Variants in COX7B2 observed in about 807,000 individuals in gnomAD.
The protein encoded by COX7B2 is cytochrome c oxidase subunit 7B2, also known as cytochrome c oxidase subunit 7B2, mitochondrial.
For synonymous variants in COX7B2, 37 were observed against 32.1 expected (o/e 1.15, Z -0.51); for missense variants, 109 against 95.9 (o/e 1.14, Z -0.57).
intron 2 of COX7B2, among the ~76,000 whole-genome samples, chr4:46,764,898 A>T (rs987691624): frequency 6.6e-6 from 1 of 152,120 alleles, no homozygotes; most frequent in Admixed American, 6.5e-5. Context: ...AGAGAGGAAA[A>T]AAAACACAAA....
At chr4:46,825,975 A>G (rs1714663339) in intron 2 of COX7B2, among the ~76,000 whole-genome samples, 1 of 152,202 alleles carries the variant, frequency 6.6e-6, no homozygotes. Context: ...ATGGGCAAAG[A>G]TTTCATGACA....
intron 1 of COX7B2, 83 bp downstream of exon 1, chr4:46,909,077 A>T (rs1180339392): frequency 6.6e-6 from 1 of 152,158 alleles, no homozygotes; most frequent in Non-Finnish European, 1.5e-5. Flanking sequence ...ATATTTCCTG[A>T]TAACTGTTAG....
At chr4:46,843,531 T>C (rs1716076994) in intron 2 of COX7B2, among the ~76,000 whole-genome samples, 1 of 152,020 alleles carries the variant, frequency 6.6e-6, no homozygotes, top group South Asian at 2.1e-4. Flanking sequence ...TTTTAATCTA[T>C]GTTTTTAAAA....
intron 2 of COX7B2, among the ~76,000 whole-genome samples, chr4:46,804,074 C>T (rs922854973): frequency 1.3e-5 from 2 of 152,032 alleles, no homozygotes; most frequent in East Asian, 1.9e-4. Flanking sequence ...TTCGTGGTCT[C>T]GCTGGCTCAG....
chr4:46,847,949 T>C (rs968966995), intron 1 of COX7B2, among the ~76,000 whole-genome samples: 1 of 151,990 alleles, frequency 6.6e-6, no homozygotes, highest in Non-Finnish European at 1.5e-5. Flanking sequence ...GAGGCAGCGA[T>C]GTTGCATGGA....
chr4:46,906,046 G>A lies in COX7B2; in HGVS notation c.-105+3114C>T, dbSNP rs1022518001. 6.0e-5 allele frequency among the ~76,000 whole-genome samples: 9 copies of A among 151,228 alleles called. 2 individuals carry two copies. Among genetic ancestry groups the A allele is most frequent in the Admixed American group, 1.3e-4 (2 of 15,248 alleles). On this transcript the variant is annotated intron_variant, in intron 1 of 2. Transcript: ENST00000355591. ...GGGTTTCACCTTGTTAGCCAGGATG[G>A]TCTCGATCTCCTGACCTCATGATCC...
intron 2 of COX7B2, among the ~76,000 whole-genome samples, chr4:46,750,066 G>C (rs1715259186): frequency 6.6e-6 from 1 of 152,050 alleles, no homozygotes; most frequent in African/African-American, 2.4e-5. Flanking sequence ...ATAAGTTTAA[G>C]AATTTCTTTT....
At chr4:46,754,227 G>T (rs955951275) in intron 2 of COX7B2, among the ~76,000 whole-genome samples, 3 of 151,918 alleles carry the variant, frequency 2.0e-5, no homozygotes, top group East Asian at 1.9e-4. Flanking sequence ...ATACCCAAAG[G>T]ATTATAAATC....
chr4:46,854,973 A>G (rs1466176511), intron 1 of COX7B2, among the ~76,000 whole-genome samples: 1 of 152,092 alleles, frequency 6.6e-6, no homozygotes, highest in Non-Finnish European at 1.5e-5. Flanking sequence ...TATTTTATGA[A>G]GTTTCTGTAA....
intron 2 of COX7B2, among the ~76,000 whole-genome samples, chr4:46,763,571 G>A (rs1483171766): frequency 6.6e-6 from 1 of 151,868 alleles, no homozygotes; most frequent in African/African-American, 2.4e-5. Context: ...GCCAAATTTA[G>A]CCCTTTTTTC....
At chr4:46,900,200 A>G (rs976187121) in intron 1 of COX7B2, among the ~76,000 whole-genome samples, 2 of 152,150 alleles carry the variant, frequency 1.3e-5, no homozygotes, top group African/African-American at 4.8e-5. Context: ...AGATATTTAT[A>G]TTTTAAGGAA....
chr4:46,743,219 A>G (rs1323470906), intron 2 of COX7B2, among the ~76,000 whole-genome samples: 1 of 152,238 alleles, frequency 6.6e-6, no homozygotes, highest in South Asian at 2.1e-4. Flanking sequence ...TTGACATTAC[A>G]GTACCTTTCA....
intron 2 of COX7B2, among the ~76,000 whole-genome samples, chr4:46,742,246 A>G (rs1714759857): frequency 6.6e-6 from 1 of 152,174 alleles, no homozygotes; most frequent in Non-Finnish European, 1.5e-5. Context: ...GACATTACTC[A>G]ACTGAAATAC....
At chr4:46,842,508 A>G (rs1171724251) in intron 2 of COX7B2, among the ~76,000 whole-genome samples, 3 of 151,924 alleles carry the variant, frequency 2.0e-5, no homozygotes, top group African/African-American at 7.2e-5. Flanking sequence ...CCATTAACTC[A>G]TCATTTAACA....
At chr4:46,897,520 T>C (rs982283458) in intron 1 of COX7B2, among the ~76,000 whole-genome samples, 2 of 152,196 alleles carry the variant, frequency 1.3e-5, no homozygotes, top group Non-Finnish European at 2.9e-5. Flanking sequence ...GAGTACTTCA[T>C]TGTCCCCAAT....
chr4:46,765,692 G>A (rs1438338342), intron 2 of COX7B2, among the ~76,000 whole-genome samples: 1 of 151,942 alleles, frequency 6.6e-6, no homozygotes, highest in Admixed American at 6.6e-5. Context: ...AGCCGATGTG[G>A]CCCCAGGCAC....
intron 2 of COX7B2, among the ~76,000 whole-genome samples, chr4:46,825,926 C>G (rs1321416136): frequency 6.6e-6 from 1 of 152,074 alleles, no homozygotes; most frequent in African/African-American, 2.4e-5. Context: ...TATAAAATCC[C>G]TGGAAATCAA....
chr4:46,839,706 ATAT>A (rs1483274672), intron 2 of COX7B2, among the ~76,000 whole-genome samples: 2 of 152,060 alleles, frequency 1.3e-5, no homozygotes, highest in Admixed American at 6.6e-5. Flanking sequence ...TGTGCCTATC[ATAT>A]TATATATTCT....
At chr4:46,823,874 G>T (rs1714486699) in intron 2 of COX7B2, among the ~76,000 whole-genome samples, 1 of 149,956 alleles carries the variant, frequency 6.7e-6, no homozygotes, top group South Asian at 2.1e-4. Context: ...CAAAAAGAGA[G>T]AGAAAGCACA....
Sources: allele counts gnomAD v4.1 joint callset (sites outside exome capture counted in the v4.1 genomes callset), GRCh38; gene constraint gnomAD v4.1.1; transcripts MANE v1.5; gene names NCBI Gene and HGNC (gene_info 2026-07-23, HGNC 2026-07-21).